Variants in EBF1 observed in about 807,000 individuals in gnomAD.
The protein encoded by EBF1 is EBF transcription factor 1, also known as transcription factor COE1.
In EBF1, 10 loss-of-function variants were observed where a neutral mutation model predicts 68.4. That is an observed-to-expected ratio of 0.15 (90% CI 0.09 to 0.25). The LOEUF is 0.25. Ranked by LOEUF, EBF1 falls within the 10% of genes least tolerant of loss-of-function variation. The probability of loss-of-function intolerance (pLI) is 1.00; values close to 1 mark genes in which losing one functional copy is unlikely to be tolerated. For synonymous variants in EBF1, 298 were observed against 299.8 expected, an observed-to-expected ratio of 0.99 and a Z score of 0.06; for missense variants, 509 against 794.4, an observed-to-expected ratio of 0.64 and a Z score of 4.32.
chr5:158,936,205 T>C (rs1242428261), intron 6 of EBF1, among the ~76,000 whole-genome samples: 2 of 152,170 alleles, frequency 1.3e-5, no homozygotes, highest in African/African-American at 4.8e-5. Flanking sequence ...AAAATGGTCT[T>C]TGATTAGCTA....
chr5:159,085,254 T>A (rs1780426830), intron 4 of EBF1, among the ~76,000 whole-genome samples: 1 of 152,160 alleles, frequency 6.6e-6, no homozygotes, highest in South Asian at 2.1e-4. Flanking sequence ...CAATGATTTA[T>A]CAATCAGGGA....
At chr5:158,705,902 A>ATATCTTGT (rs1757758401) in intron 15 of EBF1, among the ~76,000 whole-genome samples, 1 of 152,196 alleles carries the variant, frequency 6.6e-6, no homozygotes, top group East Asian at 1.9e-4. Context: ...AAACCCCATC[A>ATATCTTGT]TATCTTGTTT....
At chr5:158,954,314 G>T (rs1214083952) in intron 6 of EBF1, among the ~76,000 whole-genome samples, 1 of 152,220 alleles carries the variant, frequency 6.6e-6, no homozygotes, top group Non-Finnish European at 1.5e-5. Context: ...GGCCAAGGAA[G>T]CTGTGGCTTG....
chr5:159,096,897 G>A lies in EBF1; in HGVS notation c.291+77C>T, dbSNP rs894962199. ...TATGGATGCTTTGCACTCAAGGAAG[G>A]GCGCGCTGCCCAAGGCTCCCGGGCC... On this transcript the variant is annotated intron_variant, in intron 2 of 15. Coordinates refer to ENST00000313708, the MANE Select transcript of EBF1 (RefSeq NM_024007.5). 4 of 1,534,014 alleles carry A rather than the reference G, an allele frequency of 2.6e-6. No individual in the cohort carries two copies. The African/African-American group carries it at 5.5e-5, about 21-fold the overall frequency.
chr5:158,826,889 G>C (rs538752534), intron 7 of EBF1, among the ~76,000 whole-genome samples: 4 of 152,088 alleles, frequency 2.6e-5, no homozygotes, highest in African/African-American at 9.7e-5. Flanking sequence ...ATCCCTAAAA[G>C]GTATTATTCC....
At position 158,949,549 on chromosome 5, in the gene EBF1, C is replaced by A. The variant is rs148343761; in HGVS notation, c.555-109439G>T. Reference sequence around the variant, plus strand: ...AGGAAAAAGAACAGATCACAATAGACAAACTATGTTCAGGCTTTTTCCAAA... The same window carrying A: ...AGGAAAAAGAACAGATCACAATAGAAAAACTATGTTCAGGCTTTTTCCAAA... On this transcript the variant is annotated intron_variant, in intron 6 of 15. Transcript: ENST00000313708. Among the ~76,000 whole-genome samples, 191 of 152,244 alleles carry A rather than the reference C, an allele frequency of 1.3e-3. 1 individual carries two copies. Among genetic ancestry groups the A allele is most frequent in the African/African-American group, 4.4e-3 (181 of 41,548 alleles).
chr5:159,040,534 T>C (rs1205922600), intron 6 of EBF1, among the ~76,000 whole-genome samples: 4 of 152,240 alleles, frequency 2.6e-5, no homozygotes, highest in African/African-American at 4.8e-5. Context: ...CTCAGTGCCC[T>C]TGGTGTTGCC....
rs1491264971 is a variant in EBF1, at chr5:158,775,781, CAG to C, written c.1036+1630_1036+1631del. Among the ~76,000 whole-genome samples the C allele has an allele frequency of 2.1e-3, 218 of 105,276 alleles. 3 individuals carry two copies. Among genetic ancestry groups the C allele is most frequent in the African/African-American group, 7.4e-3 (198 of 26,750 alleles). 69.1% of individuals were successfully genotyped at this position (105,276 alleles called of 152,430 possible). ...ACACACACACACACACACATGCACA[CAG>C]ACACACACACACACACACACACACA... On this transcript the variant is annotated intron_variant, in intron 10 of 15. Coordinates refer to ENST00000313708, the MANE Select transcript of EBF1 (RefSeq NM_024007.5).
intron 6 of EBF1, among the ~76,000 whole-genome samples, chr5:159,025,270 T>C (rs1183299623): frequency 6.6e-6 from 1 of 152,190 alleles, no homozygotes; most frequent in Non-Finnish European, 1.5e-5. Flanking sequence ...TCTTCTTATA[T>C]TTTACACAGT....
chr5:158,832,368 T>C (rs1368298433), intron 7 of EBF1, among the ~76,000 whole-genome samples: 1 of 152,248 alleles, frequency 6.6e-6, no homozygotes, highest in African/African-American at 2.4e-5. Context: ...TGGTTTAATA[T>C]ATCAGGTTGA....
chr5:158,710,959 A>C (rs1759107366), intron 14 of EBF1, among the ~76,000 whole-genome samples: 1 of 152,240 alleles, frequency 6.6e-6, no homozygotes, highest in African/African-American at 2.4e-5. Flanking sequence ...AGAGATTGTG[A>C]GAACACGGGT....
At chr5:158,810,363 A>G in intron 8 of EBF1, among the ~76,000 whole-genome samples, 1 of 152,228 alleles carries the variant, frequency 6.6e-6, no homozygotes, top group Non-Finnish European at 1.5e-5. Flanking sequence ...ATGAAGAATT[A>G]AAGATCTCAA....
intron 8 of EBF1, among the ~76,000 whole-genome samples, chr5:158,822,259 CGGATGGACGGATGGATGGAT>C (rs140372346): frequency 0.31 from 40,371 of 129,546 alleles, 6,455 homozygotes; most frequent in South Asian, 0.61. Flanking sequence ...CTTGGATGGA[CGGATGGACGGATGGATGGAT>C]GGATGGATGG....
At chr5:159,013,967 T>C (rs1256112000) in intron 6 of EBF1, among the ~76,000 whole-genome samples, 1 of 152,172 alleles carries the variant, frequency 6.6e-6, no homozygotes, top group Non-Finnish European at 1.5e-5. Flanking sequence ...AGATGTGAAA[T>C]TTCCCAATTA....
At chr5:158,786,420 T>A (rs1005528369) in intron 9 of EBF1, among the ~76,000 whole-genome samples, 2 of 152,214 alleles carry the variant, frequency 1.3e-5, no homozygotes, top group African/African-American at 4.8e-5. Context: ...TTGTAATTTA[T>A]TTTTTAAATA....
At chr5:158,945,620 C>A (rs141370813) in intron 6 of EBF1, among the ~76,000 whole-genome samples, 2,212 of 152,308 alleles carry the variant, frequency 0.015, 62 homozygotes, top group African/African-American at 0.051. Flanking sequence ...TCCTTCATTT[C>A]AACCTTGGTG....
intron 7 of EBF1, among the ~76,000 whole-genome samples, chr5:158,828,308 A>G (rs1447822068): frequency 6.6e-6 from 1 of 152,200 alleles, no homozygotes; most frequent in Non-Finnish European, 1.5e-5. Flanking sequence ...CATGCATTGA[A>G]GGCCTGATCT....
At chr5:159,082,379 A>T (rs1321522884) in intron 5 of EBF1, among the ~76,000 whole-genome samples, 1 of 152,356 alleles carries the variant, frequency 6.6e-6, no homozygotes, top group South Asian at 2.1e-4. Flanking sequence ...TCATGTCTGC[A>T]ATGAAGAAAT....
chr5:158,941,562 G>C (rs962769332), intron 6 of EBF1, among the ~76,000 whole-genome samples: 2 of 152,132 alleles, frequency 1.3e-5, no homozygotes, highest in Non-Finnish European at 2.9e-5. Context: ...AAAGATCCTT[G>C]ATCCTAGATT....
Sources: allele counts gnomAD v4.1 joint callset (sites outside exome capture counted in the v4.1 genomes callset), GRCh38; gene constraint gnomAD v4.1.1; transcripts MANE v1.5; gene names NCBI Gene and HGNC (gene_info 2026-07-23, HGNC 2026-07-21).